PRSS12: variants seen among roughly 807,000 people sequenced by gnomAD.
The protein encoded by PRSS12 is neurotrypsin.
Under a neutral mutation model 104.4 loss-of-function variants are expected in PRSS12, and 85 were observed. The ratio of observed to expected loss-of-function variants is 0.81; its 90% CI spans 0.68 to 0.98. The LOEUF is 0.98. Among genes scored for constraint, PRSS12 ranks in the 50% least tolerant of loss-of-function variants. PRSS12 has a pLI of 0.00. For synonymous variants in PRSS12, 454 were observed against 425.2 expected (o/e 1.07, Z -0.83); for missense variants, 1,141 against 1,139.2 (o/e 1.00, Z -0.02).
chr4:118,305,707 C>A (rs1743530681), intron 8 of PRSS12, among the ~76,000 whole-genome samples: 1 of 152,068 alleles, frequency 6.6e-6, no homozygotes, highest in Non-Finnish European at 1.5e-5. Flanking sequence ...GTATATAGTA[C>A]CATATTGTTA....
rs1743223137 is a variant in PRSS12, at chr4:118,295,045, G to T, written c.1933C>A (p.Gln645Lys). ...KNSLRGGWPW[Q>K]VSLRLKSSHG... ...GATGACTTCAGCCGGAGGGAAACCTGCCAAGGCCAACCACCCCTAAGAAGA... is the reference window on the plus strand; with the variant it reads ...GATGACTTCAGCCGGAGGGAAACCTTCCAAGGCCAACCACCCCTAAGAAGA... The change falls in exon 11 of 13, where the codon CAG (glutamine) becomes AAG (lysine). Residue 645 changes from glutamine (Q) to lysine (K), a missense_variant. Physicochemically the swap from Gln to Lys is moderately conservative, Grantham distance 53. Coordinates refer to ENST00000296498, the MANE Select transcript of PRSS12 (RefSeq NM_003619.4). 1.2e-6 allele frequency: 2 copies of T among 1,614,014 alleles called. No homozygotes were observed. The highest frequency in any genetic ancestry group is 4.5e-5 in the East Asian group (2 of 44,872).
rs963868288 is a variant in PRSS12, at chr4:118,282,024, C to T, written c.2540G>A (p.Gly847Glu). 1.2e-6 allele frequency: 2 copies of T among 1,612,346 alleles called. No homozygotes were observed. Among genetic ancestry groups the T allele is most frequent in the South Asian group, 2.2e-5 (2 of 91,044 alleles). ...SWVVYGVTSW[G>E]YGCGVKDSPG... ...AGAATCCTTGACTCCACAGCCATAC[C>T]CCCAGGAGGTCACCCCATACACCAC... The change falls in exon 13 of 13, where the codon GGG becomes GAG. Residue 847 changes from glycine to glutamate, a missense_variant. Gly to Glu is a moderately conservative substitution (Grantham distance 98). Coordinates refer to ENST00000296498, the MANE Select transcript of PRSS12 (RefSeq NM_003619.4).
At chr4:118,315,267 T>C (rs2126034526) in intron 6 of PRSS12, among the ~76,000 whole-genome samples, 1 of 152,256 alleles carries the variant, frequency 6.6e-6, no homozygotes, top group Non-Finnish European at 1.5e-5. Flanking sequence ...AGAGCTGATA[T>C]GAAGTTATCT....
rs370277811 is a variant in PRSS12 at position 118,299,807 on chromosome 4, A to T, written c.1632-869T>A. 8.7e-4 allele frequency among the ~76,000 whole-genome samples: 88 copies of T among 100,634 alleles called. 1 individual carries two copies. In the South Asian group the frequency reaches 0.01, roughly 12 times the overall value. The allele number at this position is 100,634 out of a possible 152,430, so 66.0% of individuals were successfully genotyped here. ...AATAAAATAAAATAAATAAAATAAAATAAATAAAATAAAATAAAATAAAAT... is the reference window on the plus strand; with the variant it reads ...AATAAAATAAAATAAATAAAATAAATTAAATAAAATAAAATAAAATAAAAT... On this transcript the variant is annotated intron_variant, in intron 8 of 12. Coordinates refer to ENST00000296498, the MANE Select transcript of PRSS12 (RefSeq NM_003619.4).
intron 11 of PRSS12, among the ~76,000 whole-genome samples, chr4:118,289,285 T>C (rs3805188): frequency 6.6e-6 from 1 of 152,204 alleles, no homozygotes; most frequent in African/African-American, 2.4e-5. Context: ...CTATGCCTTA[T>C]TGTCCAGAAA....
chr4:118,298,252 A>T (rs967737648), intron 9 of PRSS12, among the ~76,000 whole-genome samples: 1 of 152,208 alleles, frequency 6.6e-6, no homozygotes, highest in Non-Finnish European at 1.5e-5. Flanking sequence ...ATTTTCCTTA[A>T]ATTTTTAAAT....
At chr4:118,350,687 T>C (rs1724475790) in intron 1 of PRSS12, among the ~76,000 whole-genome samples, 1 of 152,138 alleles carries the variant, frequency 6.6e-6, no homozygotes, top group South Asian at 2.1e-4. Flanking sequence ...GAAGGTGAGG[T>C]GGCAGGAAAT....
rs1418202892 is a variant in PRSS12 at position 118,352,545 on chromosome 4, G to A, written c.176C>T (p.Pro59Leu). ...TQQRPPRTRP[P>L]PPLPRFPRPP... The stretch of plus-strand genomic sequence containing the variant: ...GCGCGGGAAGCGCGGGAGAGGCGGC[G>A]GCGGACGCGTCCTCGGGGGCCGCTG... Residue 59 changes from proline (P) to leucine (L), a missense_variant, in exon 1 of 13, where the codon CCG (proline) becomes CTG (leucine). Physicochemically the swap from Pro to Leu is moderately conservative, Grantham distance 98. Transcript: ENST00000296498. 6 of 1,510,796 alleles carry A rather than the reference G, an allele frequency of 4.0e-6. No homozygotes were observed. Among genetic ancestry groups the A allele is most frequent in the East Asian group, 5.4e-5 (2 of 37,056 alleles). The allele number at this position is 1,510,796 out of a possible 1,614,324, so 93.6% of individuals were successfully genotyped here.
At position 118,295,840 on chromosome 4, in the gene PRSS12, A is replaced by T. The variant is rs1743241346; in HGVS notation, c.1854T>A (p.Val618=). 6.2e-7 allele frequency: 1 copy of T among 1,614,092 alleles called. No homozygotes were observed. The highest frequency in any genetic ancestry group is 8.5e-7 in the Non-Finnish European group (1 of 1,179,936). Residue 618 remains valine (V), a synonymous_variant, in exon 10 of 13, where the codon GTT becomes GTA. Transcript: ENST00000296498. ...GACGGTGCAGTAATCTCAAGCCACA[A>T]ACAGATGAGAGGGACTCTGAAGCAG... ...GNSNKESLSS[V]CGLRLLHRRQ...
Position 118,282,247 on chromosome 4 carries a change from C to T in PRSS12, c.2321-4G>A. The stretch of plus-strand genomic sequence containing the variant: ...AGTGTTCTTGAATAGGCTCGTCCTA[C>T]TCAGACCAAACATCTGATTAGTGGC... On this transcript the variant is annotated splice_polypyrimidine_tract_variant and splice_region_variant and intron_variant, in intron 12 of 12. Transcript: ENST00000296498. The T allele has an allele frequency of 6.2e-7, 1 of 1,614,114 alleles. No homozygotes were observed. The highest frequency in any genetic ancestry group is 8.5e-7 in the Non-Finnish European group (1 of 1,180,002).
Position 118,282,188 on chromosome 4 carries a change from C to T in PRSS12, c.2376G>A (p.Arg792=), listed in dbSNP as rs199574216. 1.7e-4 allele frequency: 275 copies of T among 1,614,186 alleles called. No homozygotes were observed. In the Admixed American group the frequency reaches 2.6e-3, roughly 15 times the overall value. Reference sequence around the variant, plus strand: ...GACCCTTATAACGTTCTTCACAAAACCTTTTAGGAAGTAAGGGAATGGCTG... The same window carrying T: ...GACCCTTATAACGTTCTTCACAAAATCTTTTAGGAAGTAAGGGAATGGCTG... ...QQAAIPLLPK[R]FCEERYKGRF... The change falls in exon 13 of 13, where the codon AGG becomes AGA. Residue 792 remains arginine (R), a synonymous_variant. Coordinates refer to ENST00000296498, the MANE Select transcript of PRSS12 (RefSeq NM_003619.4).
chr4:118,351,423 A>T (rs937246928), intron 1 of PRSS12, among the ~76,000 whole-genome samples: 25 of 152,208 alleles, frequency 1.6e-4, no homozygotes, highest in Non-Finnish European at 3.7e-4. Context: ...TTATTCATTT[A>T]CATTAAATTT....
chr4:118,342,294 A>C (rs1032366602), intron 1 of PRSS12, among the ~76,000 whole-genome samples: 4 of 152,226 alleles, frequency 2.6e-5, no homozygotes, highest in African/African-American at 9.6e-5. Context: ...TGTAGACGAA[A>C]TTCTTTGTTT....
chr4:118,340,521 G>A (rs1053781252), intron 1 of PRSS12, among the ~76,000 whole-genome samples: 12 of 152,148 alleles, frequency 7.9e-5, no homozygotes, highest in African/African-American at 2.9e-4. Flanking sequence ...GACTCAGAAT[G>A]AGTATTTATA....
In PRSS12 at chr4:118,316,327, T is replaced by C; in HGVS notation, c.1151-4A>G. On this transcript the variant is annotated splice_region_variant and splice_polypyrimidine_tract_variant and intron_variant, in intron 5 of 12. Transcript: ENST00000296498. The stretch of plus-strand genomic sequence containing the variant: ...CCTGCAAGTCTGATGACCCCATCTG[T>C]GATAAAGAGGAGACACAGAGACTAA... 6.2e-7 allele frequency: 1 copy of C among 1,613,928 alleles called. No homozygotes were observed. The highest frequency in any genetic ancestry group is 8.5e-7 in the Non-Finnish European group (1 of 1,179,986).
At chr4:118,351,542 G>GA (rs1724505223) in intron 1 of PRSS12, among the ~76,000 whole-genome samples, 1 of 152,108 alleles carries the variant, frequency 6.6e-6, no homozygotes, top group Non-Finnish European at 1.5e-5. Context: ...AATGGCTCTG[G>GA]AAAACTGTGT....
rs910247704 is a variant in PRSS12, at chr4:118,313,222, C to T, written c.1468G>A (p.Glu490Lys). ...TCACCCAGAGAGAGCCTGTGTCCCT[C>T]GCCGCCAGGGTAGCAGGCAATGCTA... ...DVSIACYPGGEGHRLSLGFPV... is the reference protein window; with the variant it reads ...DVSIACYPGGKGHRLSLGFPV... Residue 490 changes from glutamate (E) to lysine (K), a missense_variant, in exon 7 of 13, where the codon GAG becomes AAG. Physicochemically the swap from Glu to Lys is moderately conservative, Grantham distance 56 (BLOSUM62 1). Coordinates refer to ENST00000296498, the MANE Select transcript of PRSS12 (RefSeq NM_003619.4). The T allele has an allele frequency of 1.2e-6, 2 of 1,613,470 alleles. No homozygotes were observed. The highest frequency in any genetic ancestry group is 1.3e-5 in the African/African-American group (1 of 74,876).
intron 4 of PRSS12, among the ~76,000 whole-genome samples, chr4:118,321,977 C>A (rs567722986): frequency 6.6e-6 from 1 of 152,232 alleles, no homozygotes; most frequent in Middle Eastern, 3.4e-3. Flanking sequence ...CTCTGACCTG[C>A]ATCACTAAAC....
Position 118,281,987 on chromosome 4 carries a change from A to G in PRSS12, c.2577T>C (p.Tyr859=). ...AAGGTACAAAGGCTGAGACTTTGGT[A>G]TAAACACCAGGAGAATCCTTGACTC... ...GCGVKDSPGV[Y]TKVSAFVPWI... The change falls in exon 13 of 13, where the codon TAT becomes TAC. Residue 859 remains tyrosine, a synonymous_variant. Transcript: ENST00000296498. The G allele has an allele frequency of 1.9e-6, 3 of 1,556,030 alleles. No individual in the cohort carries two copies. The highest frequency in any genetic ancestry group is 2.2e-5 in the East Asian group (1 of 44,580).
Sources: allele counts gnomAD v4.1 joint callset (sites outside exome capture counted in the v4.1 genomes callset), GRCh38; gene constraint gnomAD v4.1.1; transcripts MANE v1.5; gene names NCBI Gene and HGNC (gene_info 2026-07-23, HGNC 2026-07-21).